Variants in RORA observed in about 807,000 individuals in gnomAD.
RORA encodes nuclear receptor ROR-alpha.
Under a neutral mutation model 69.5 loss-of-function variants are expected in RORA, and 7 were observed. The observed-to-expected ratio is 0.10, with a 90% confidence interval of 0.06 to 0.19. The LOEUF (loss-of-function observed/expected upper bound fraction) is 0.19. Among genes scored for constraint, RORA ranks in the 10% least tolerant of loss-of-function variants. The pLI is 1.00. For missense variants in RORA, 457 were observed against 663.0 expected (o/e 0.69, Z 3.41); for synonymous variants, 261 against 240.8 (o/e 1.08, Z -0.78).
chr15:60,559,154 G>A lies in RORA; in HGVS notation c.197-27303C>T, dbSNP rs1431847705. On this transcript the variant is annotated intron_variant, in intron 2 of 10. Transcript: ENST00000335670. ...AAATAAAGAGTATTTTACTCTTCTC[G>A]AAAAAATTTATTAGACACTTATGAA... Among the ~76,000 whole-genome samples the A allele has an allele frequency of 1.1e-4, 17 of 152,018 alleles. No individual in the cohort carries two copies. In the South Asian group the frequency reaches 1.5e-3, roughly 13 times the overall value.
intron 1 of RORA, among the ~76,000 whole-genome samples, chr15:61,108,155 CA>C (rs2078969678): frequency 6.6e-6 from 1 of 152,244 alleles, no homozygotes; most frequent in Non-Finnish European, 1.5e-5. Flanking sequence ...ATGTCCCTTC[CA>C]GGTTCTTGAA....
In RORA at chr15:60,708,018, T is replaced by C. The variant is rs972046739; in HGVS notation, c.167-29332A>G. ...CCCATTTGCAGGCCTTTTTTGTGGA[T>C]GTATGCTCAGCCTCTCCTTCCAAAC... On this transcript the variant is annotated intron_variant, in intron 1 of 10. Coordinates refer to ENST00000335670, the MANE Select transcript of RORA (RefSeq NM_134261.3). Among the ~76,000 whole-genome samples, 4 of 152,348 alleles carry C rather than the reference T, an allele frequency of 2.6e-5. No individual in the cohort carries two copies. In the South Asian group the frequency reaches 6.2e-4, roughly 24 times the overall value.
intron 2 of RORA, among the ~76,000 whole-genome samples, chr15:60,662,435 A>G (rs905447754): frequency 1.3e-5 from 2 of 152,240 alleles, no homozygotes; most frequent in Non-Finnish European, 2.9e-5. Flanking sequence ...CTTTGCAGGC[A>G]TTCTTTTTGT....
At chr15:60,984,711 C>T (rs1300862451) in intron 1 of RORA, among the ~76,000 whole-genome samples, 1 of 151,448 alleles carries the variant, frequency 6.6e-6, no homozygotes, top group African/African-American at 2.4e-5. Flanking sequence ...AAACTTACAG[C>T]ACTTTGACAA....
At chr15:60,641,703 G>T (rs339981) in intron 2 of RORA, among the ~76,000 whole-genome samples, 10 of 152,132 alleles carry the variant, frequency 6.6e-5, no homozygotes, top group Non-Finnish European at 1.2e-4. Context: ...GAACCACCAC[G>T]CCCAGCTTCC....
chr15:60,561,847 A>C (rs2067570068), intron 2 of RORA, among the ~76,000 whole-genome samples: 1 of 151,944 alleles, frequency 6.6e-6, no homozygotes, highest in African/African-American at 2.4e-5. Flanking sequence ...ATTTAAAGCC[A>C]TTTTGTTCCT....
At chr15:60,593,163 CT>C (rs1485539910) in intron 2 of RORA, 5 of 302,240 alleles carry the variant, frequency 1.7e-5, no homozygotes, top group Non-Finnish European at 2.6e-5. Flanking sequence ...CCACCCAACC[CT>C]TGGCAACCCT....
chr15:61,092,385 T>A (rs2078721066), intron 1 of RORA, among the ~76,000 whole-genome samples: 1 of 152,224 alleles, frequency 6.6e-6, no homozygotes, highest in African/African-American at 2.4e-5. Flanking sequence ...ACATTGCAGC[T>A]CCATAATCTG....
chr15:60,843,812 T>C (rs2140406295), intron 1 of RORA, among the ~76,000 whole-genome samples: 1 of 152,306 alleles, frequency 6.6e-6, no homozygotes, highest in South Asian at 2.1e-4. Flanking sequence ...TTTTTGCTTT[T>C]CCTGGGTCTC....
chr15:60,676,932 ATTAG>A (rs2070562773), intron 2 of RORA, among the ~76,000 whole-genome samples: 1 of 152,212 alleles, frequency 6.6e-6, no homozygotes, highest in Admixed American at 6.5e-5. Flanking sequence ...ATGTTATCTT[ATTAG>A]TTGGGATGTA....
At chr15:60,708,791 C>A (rs1315830474) in intron 1 of RORA, among the ~76,000 whole-genome samples, 3 of 152,188 alleles carry the variant, frequency 2.0e-5, no homozygotes, top group Non-Finnish European at 4.4e-5. Context: ...AGAGCTCAGG[C>A]TTGTTTATGC....
At chr15:60,514,524 G>C (rs1167396500) in intron 4 of RORA, 92 bp downstream of exon 4, 3 of 1,273,094 alleles carry the variant, frequency 2.4e-6, no homozygotes, top group Admixed American at 3.6e-5. Flanking sequence ...GGAGGGGGCA[G>C]GCGGGGCAGA....
chr15:60,915,876 C>T (rs968561152), intron 1 of RORA, among the ~76,000 whole-genome samples: 7 of 152,154 alleles, frequency 4.6e-5, no homozygotes, highest in Admixed American at 1.3e-4. Context: ...TAATGGCTTC[C>T]GCATGAATTT....
chr15:61,089,613 C>A (rs1385157757), intron 1 of RORA, among the ~76,000 whole-genome samples: 2 of 152,112 alleles, frequency 1.3e-5, no homozygotes, highest in African/African-American at 2.4e-5. Flanking sequence ...GATCCTGAAC[C>A]CAGAAAGGCA....
intron 8 of RORA, 123 bp from the exon 9 acceptor site, chr15:60,501,192 G>C: frequency 1.5e-6 from 1 of 645,334 alleles, no homozygotes; most frequent in Non-Finnish European, 2.8e-6. Context: ...AAAAACATGG[G>C]GAAGGTGAAG....
chr15:60,548,986 C>G lies in RORA; in HGVS notation c.197-17135G>C, dbSNP rs572089170. ...TGTAATCAAGTAGCTTTACATTGCT[C>G]TTATTAAACTTGATACACACAGTTT... On this transcript the variant is annotated intron_variant, in intron 2 of 10. Transcript: ENST00000335670. Among the ~76,000 whole-genome samples the G allele has an allele frequency of 1.7e-4, 26 of 152,288 alleles. 1 individual carries two copies. The South Asian group carries it at 4.8e-3, about 28-fold the overall frequency.
At chr15:61,102,575 G>A (rs1457202962) in intron 1 of RORA, among the ~76,000 whole-genome samples, 1 of 152,098 alleles carries the variant, frequency 6.6e-6, no homozygotes, top group Non-Finnish European at 1.5e-5. Context: ...GGCCCCTACT[G>A]TCAAAAGCAC....
chr15:60,805,117 T>C (rs148462110), intron 1 of RORA, among the ~76,000 whole-genome samples: 1 of 152,174 alleles, frequency 6.6e-6, no homozygotes, highest in African/African-American at 2.4e-5. Flanking sequence ...TTCCCCAACC[T>C]GCAGCTGGAG....
At chr15:61,025,933 T>G (rs1233172109) in intron 1 of RORA, among the ~76,000 whole-genome samples, 1 of 152,178 alleles carries the variant, frequency 6.6e-6, no homozygotes, top group Non-Finnish European at 1.5e-5. Context: ...GATAAAACTT[T>G]CAAATTAAAC....
Sources: gnomAD v4.1 joint callset for allele counts (sites outside exome capture counted in the v4.1 genomes callset) on GRCh38, gnomAD v4.1.1 for gene constraint, MANE v1.5 for transcripts, NCBI Gene and HGNC (gene_info 2026-07-23, HGNC 2026-07-21) for gene names.